The following NAA10 variants were observed in gnomAD, a reference collection of about 807,000 sequenced individuals.
NAA10 encodes N-alpha-acetyltransferase 10, NatA catalytic subunit, also known as N-alpha-acetyltransferase 10.
A neutral mutation model predicts 19.2 loss-of-function variants in NAA10; 6 were observed. The ratio of observed to expected loss-of-function variants is 0.31; its 90% CI spans 0.17 to 0.62. The LOEUF (loss-of-function observed/expected upper bound fraction) is 0.62. Ranked by LOEUF, NAA10 falls within the 20% of genes least tolerant of loss-of-function variation. The pLI is 0.83. For missense variants in NAA10, 101 were observed against 198.4 expected (o/e 0.51, Z 2.95); for synonymous variants, 97 against 79.9 (o/e 1.21, Z -1.14).
Position 153,935,022 on chromosome X carries a change from C to G in NAA10, c.-118G>C. The G allele has an allele frequency of 2.8e-6, 2 of 714,016 alleles. No individual in the cohort carries two copies. Among genetic ancestry groups the G allele is most frequent in the Non-Finnish European group, 3.5e-6 (2 of 570,134 alleles). The allele number at this position is 714,016 out of a possible 1,213,427, so 58.8% of individuals were successfully genotyped here. A position where few individuals can be genotyped will look rare whatever the true frequency, so the allele number is the denominator to read the frequency against. On this transcript the variant is annotated 5_prime_UTR_variant, in exon 1 of 8. Transcript: ENST00000464845. ...GACCGGAGCTGGGCTCGCTGGGCGACGGCGGAAGGGGCGGTGCGCGCCGGG... is the reference window on the plus strand; with the variant it reads ...GACCGGAGCTGGGCTCGCTGGGCGAGGGCGGAAGGGGCGGTGCGCGCCGGG...
At chrX:153,930,423 G>A (rs2065159993) in intron 7 of NAA10, 200 bp from the exon 8 acceptor site, 1 of 475,920 alleles carries the variant, frequency 2.1e-6, no homozygotes, top group Non-Finnish European at 3.7e-6. Flanking sequence ...TACCATGGAG[G>A]CCCCCACGAC....
chrX:153,933,412 G>A (rs182830247), intron 3 of NAA10, among the ~76,000 whole-genome samples: 9 of 112,425 alleles, frequency 8.0e-5, no homozygotes, highest in African/African-American at 2.9e-4. Context: ...GCTCACGCCT[G>A]TAATCCTAGC....
Position 153,934,898 on chromosome X carries a change from T to C in NAA10, c.7A>G (p.Ile3Val). 9.9e-7 allele frequency: 1 copy of C among 1,007,549 alleles called. No homozygotes were observed. The allele number at this position is 1,007,549 out of a possible 1,213,427, so 83.0% of individuals were successfully genotyped here. Residue 3 changes from isoleucine (I) to valine (V), a missense_variant, in exon 1 of 8, where the codon ATC becomes GTC. By Grantham distance (29) the Ile-to-Val change is conservative (BLOSUM62 3). Transcript: ENST00000464845. MN[I>V]RNARPEDLMN... ...CGGGCGCTCACCCTCGCATTGCGGA[T>C]GTTCATAACGGCGGCGGGGCTCGCG...
chrX:153,931,378 A>G, intron 6 of NAA10: 7 of 827,510 alleles, frequency 8.5e-6, no homozygotes, highest in Middle Eastern at 6.2e-4. Context: ...CCCACCAGAC[A>G]TCGTCATCTG....
rs1473401675 is a variant in NAA10, at chrX:153,929,569, T to C, written c.*418A>G. On this transcript the variant is annotated 3_prime_UTR_variant, in exon 8 of 8. Transcript: ENST00000464845. ...GGGAGCTGCTGTAGCCCGAAGCAGG[T>C]GTGATTAGGGAGAGAAAGTCTGAAG... 1.8e-5 allele frequency: 3 copies of C among 166,559 alleles called. No homozygotes were observed. The highest frequency in any genetic ancestry group is 3.4e-5 in the Non-Finnish European group (3 of 87,884). The allele number at this position is 166,559 out of a possible 1,213,427, so 13.7% of individuals were successfully genotyped here. A position where few individuals can be genotyped will look rare whatever the true frequency, so the allele number is the denominator to read the frequency against.
intron 6 of NAA10, 32 bp downstream of exon 6, chrX:153,932,039 C>G: frequency 3.3e-6 from 4 of 1,211,700 alleles, no homozygotes; most frequent in Non-Finnish European, 4.5e-6. Flanking sequence ...GGGATCAACC[C>G]CAGCCCATTA....
Position 153,934,892 on chromosome X carries a change from T to C in NAA10, c.13A>G (p.Asn5Asp). 1 of 1,008,566 alleles carries C rather than the reference T, an allele frequency of 9.9e-7. No homozygotes were observed. The highest frequency in any genetic ancestry group is 3.6e-5 in the Admixed American group (1 of 28,095). 83.1% of individuals were successfully genotyped at this position (1,008,566 alleles called of 1,213,427 possible). A position where few individuals can be genotyped will look rare whatever the true frequency, so the allele number is the denominator to read the frequency against. Residue 5 changes from asparagine (N) to aspartate (D), a missense_variant, in exon 1 of 8, where the codon AAT (asparagine) becomes GAT (aspartate). Physicochemically the swap from Asn to Asp is conservative, Grantham distance 23 (BLOSUM62 1). This residue lies in a region of NAA10 where 43 missense variants were observed against 122.6 expected (regional missense o/e 0.35). Transcript: ENST00000464845. The stretch of plus-strand genomic sequence containing the variant: ...CCGCCCCGGGCGCTCACCCTCGCAT[T>C]GCGGATGTTCATAACGGCGGCGGGG... The part of the protein sequence containing the change: MNIR[N>D]ARPEDLMNMQ...
chrX:153,931,208 T>C, intron 6 of NAA10: 1 of 935,466 alleles, frequency 1.1e-6, no homozygotes, highest in Non-Finnish European at 1.3e-6. Context: ...GGAAAGACGG[T>C]GAGCCCTGCC....
intron 3 of NAA10, chrX:153,932,871 T>C (rs1557107652): frequency 2.8e-6 from 1 of 362,259 alleles, no homozygotes; most frequent in African/African-American, 2.6e-5. Flanking sequence ...GGACAACACT[T>C]TTTTTTGTCT....
In NAA10 at chrX:153,934,894, C is replaced by T; in HGVS notation, c.11G>A (p.Arg4His). ...GCCCCGGGCGCTCACCCTCGCATTG[C>T]GGATGTTCATAACGGCGGCGGGGCT... is the stretch of plus-strand genomic sequence containing the variant. MNI[R>H]NARPEDLMNM... The change falls in exon 1 of 8, where the codon CGC (arginine) becomes CAC (histidine). Residue 4 changes from arginine to histidine, a missense_variant. Physicochemically the swap from Arg to His is conservative, Grantham distance 29. Transcript: ENST00000464845. 9.9e-7 allele frequency: 1 copy of T among 1,009,904 alleles called. No individual in the cohort carries two copies. The highest frequency in any genetic ancestry group is 2.7e-5 in the South Asian group (1 of 37,688). The allele number at this position is 1,009,904 out of a possible 1,213,427, so 83.2% of individuals were successfully genotyped here. A position where few individuals can be genotyped will look rare whatever the true frequency, so the allele number is the denominator to read the frequency against.
chrX:153,930,394 G>A (rs1425549774), intron 7 of NAA10, 171 bp from the exon 8 acceptor site: 23 of 497,885 alleles, frequency 4.6e-5, no homozygotes, highest in Non-Finnish European at 4.9e-5. Context: ...CCAGTCCACC[G>A]CTACCTGGGC....
rs1365533678 is a variant in NAA10 at position 153,931,235 on chromosome X, C to T, written c.387-388G>A. The stretch of plus-strand genomic sequence containing the variant: ...AGCCCTGCCTGAGCAGCTCTGGGGC[C>T]GTGACTACACTGGGCAGGTGTGTGT... On this transcript the variant is annotated intron_variant, in intron 6 of 7. Coordinates refer to ENST00000464845, the MANE Select transcript of NAA10 (RefSeq NM_003491.4). 141 of 912,636 alleles carry T rather than the reference C, an allele frequency of 1.5e-4. 2 individuals are homozygous for T. The highest frequency in any genetic ancestry group is 4.2e-4 in the South Asian group (16 of 37,891). The allele number at this position is 912,636 out of a possible 1,213,427, so 75.2% of individuals were successfully genotyped here.
chrX:153,930,115 A>G lies in NAA10; in HGVS notation c.580T>C (p.Cys194Arg). The G allele has an allele frequency of 8.3e-7, 1 of 1,210,904 alleles. No homozygotes were observed. The highest frequency in any genetic ancestry group is 1.1e-6 in the Non-Finnish European group (1 of 895,172). The change falls in exon 8 of 8, where the codon TGT (cysteine) becomes CGT (arginine). Residue 194 changes from cysteine to arginine, a missense_variant. By Grantham distance (180) the Cys-to-Arg change is radical. Transcript: ENST00000464845. ...GNSPPSSGEACREEKGLAAED... is the reference protein window; with the variant it reads ...GNSPPSSGEARREEKGLAAED... ...GCAGCCAGGCCCTTCTCCTCGCGACAGGCCTCTCCTGAGCTCGGAGGTGAA... is the reference window on the plus strand; with the variant it reads ...GCAGCCAGGCCCTTCTCCTCGCGACGGGCCTCTCCTGAGCTCGGAGGTGAA...
Position 153,929,956 on chromosome X carries a change from C to T in NAA10, c.*31G>A. 1 of 1,149,242 alleles carries T rather than the reference C, an allele frequency of 8.7e-7. No individual in the cohort carries two copies. The highest frequency in any genetic ancestry group is 1.2e-6 in the Non-Finnish European group (1 of 839,102). The allele number at this position is 1,149,242 out of a possible 1,213,427, so 94.7% of individuals were successfully genotyped here. A position where few individuals can be genotyped will look rare whatever the true frequency, so the allele number is the denominator to read the frequency against. On this transcript the variant is annotated 3_prime_UTR_variant, in exon 8 of 8. Transcript: ENST00000464845. ...CCACGGAGCGAATTTATTGTGAAAG[C>T]TCGTGGGGTGAGGAGGGGATGGGGC...
At position 153,930,043 on chromosome X, in the gene NAA10, TCTCGCTGAC is replaced by T; in HGVS notation, c.643_651del (p.Val215_Glu217del). ...TCCTTGACATCTGTGCTCTCTGTGG[TCTCGCTGAC>T]CTCGCTGAGGTCCTTGCTGTCCCCA... On this transcript the variant is annotated inframe_deletion, in exon 8 of 8. Transcript: ENST00000464845. The T allele has an allele frequency of 1.7e-6, 2 of 1,211,136 alleles. No homozygotes were observed. The highest frequency in any genetic ancestry group is 2.2e-6 in the Non-Finnish European group (2 of 895,322).
In NAA10 at chrX:153,934,976, C is replaced by A; in HGVS notation, c.-72G>T. ...CAGCTGCCGCCGCGCTCCGAAGCGA[C>A]GCCGGGACGGCCGGGGCTGGGACCG... is the stretch of plus-strand genomic sequence containing the variant. On this transcript the variant is annotated 5_prime_UTR_variant, in exon 1 of 8. Coordinates refer to ENST00000464845, the MANE Select transcript of NAA10 (RefSeq NM_003491.4). The A allele has an allele frequency of 1.1e-6, 1 of 910,243 alleles. No individual in the cohort carries two copies. Among genetic ancestry groups the A allele is most frequent in the Non-Finnish European group, 1.4e-6 (1 of 724,219 alleles). 75.0% of individuals were successfully genotyped at this position (910,243 alleles called of 1,213,427 possible).
At chrX:153,931,055 C>A in intron 6 of NAA10, 1 of 1,134,795 alleles carries the variant, frequency 8.8e-7, no homozygotes. Flanking sequence ...GTCCTGCCCC[C>A]GTTCTGTGTC....
At position 153,932,560 on chromosome X, in the gene NAA10, G is replaced by T; in HGVS notation, c.204C>A (p.Pro68=). Residue 68 remains proline, a synonymous_variant, in exon 4 of 8, where the codon CCC becomes CCA. Coordinates refer to ENST00000464845, the MANE Select transcript of NAA10 (RefSeq NM_003491.4). ...AKMEEDPDDV[P]HGHITSLAVK... ...ATACCAATGAGGTGATATGTCCATGGGGCACATCATCTGGGTCCTCTTCCC... is the reference window on the plus strand; with the variant it reads ...ATACCAATGAGGTGATATGTCCATGTGGCACATCATCTGGGTCCTCTTCCC... 8.3e-7 allele frequency: 1 copy of T among 1,207,374 alleles called. No individual in the cohort carries two copies. Among genetic ancestry groups the T allele is most frequent in the East Asian group, 3.0e-5 (1 of 33,761 alleles).
chrX:153,934,596 C>A, intron 1 of NAA10, 121 bp from the exon 2 acceptor site: 1 of 647,612 alleles, frequency 1.5e-6, no homozygotes, highest in South Asian at 2.3e-5. Flanking sequence ...GGCACTGTGA[C>A]GATCTGACTT....
Sources: allele counts gnomAD v4.1 joint callset (sites outside exome capture counted in the v4.1 genomes callset), GRCh38; gene constraint gnomAD v4.1.1; regional missense constraint gnomAD v4.1.1; transcripts MANE v1.5; gene names NCBI Gene and HGNC (gene_info 2026-07-23, HGNC 2026-07-21).